SNF8: variants seen among roughly 807,000 people sequenced by gnomAD.
SNF8 encodes the protein SNF8 subunit of ESCRT-II.
A neutral mutation model predicts 36.8 loss-of-function variants in SNF8; 19 were observed. The ratio of observed to expected loss-of-function variants is 0.52; its 90% CI spans 0.36 to 0.76. SNF8 has a LOEUF of 0.76. SNF8 is among the 30% of genes least tolerant of loss of function. The pLI is 0.00. For missense variants in SNF8, 268 were observed against 322.9 expected, an observed-to-expected ratio of 0.83 and a Z score of 1.30; for synonymous variants, 127 against 127.4, an observed-to-expected ratio of 1.00 and a Z score of 0.02.
At chr17:48,944,031 C>T in intron 1 of SNF8, 56 bp from the exon 2 acceptor site, 2 of 1,539,746 alleles carry the variant, frequency 1.3e-6, no homozygotes, top group Non-Finnish European at 1.8e-6. Flanking sequence ...AGGCCAGGCG[C>T]GGTGGCTCAC....
chr17:48,940,556 C>G (rs1035079405), intron 3 of SNF8, among the ~76,000 whole-genome samples: 1 of 151,668 alleles, frequency 6.6e-6, no homozygotes, highest in Non-Finnish European at 1.5e-5. Flanking sequence ...TTTGGGAGGC[C>G]GAGGCGGGCG....
At chr17:48,935,732 A>G (rs2040925217) in intron 5 of SNF8, 1 of 153,448 alleles carries the variant, frequency 6.5e-6, no homozygotes, top group Admixed American at 6.5e-5. Context: ...TAATACATGA[A>G]AAAATGCTTA....
intron 3 of SNF8, among the ~76,000 whole-genome samples, chr17:48,937,970 TAAAAC>T (rs997626210): frequency 2.6e-5 from 4 of 151,124 alleles, no homozygotes; most frequent in Admixed American, 6.6e-5. Flanking sequence ...ATTTAAAAAA[TAAAAC>T]AAAAGTCATT....
chr17:48,944,089 GT>G, intron 1 of SNF8, 114 bp from the exon 2 acceptor site: 1 of 915,738 alleles, frequency 1.1e-6, no homozygotes, highest in Non-Finnish European at 1.7e-6. Context: ...GGATCACGAG[GT>G]CAGGAGATCG....
At chr17:48,941,930 G>C (rs2041033237) in intron 2 of SNF8, among the ~76,000 whole-genome samples, 1 of 151,780 alleles carries the variant, frequency 6.6e-6, no homozygotes, top group Non-Finnish European at 1.5e-5. Flanking sequence ...ACCTCAAACA[G>C]TCCATCTGTC....
intron 1 of SNF8, chr17:48,944,269 T>C (rs889297362): frequency 6.7e-6 from 3 of 445,908 alleles, no homozygotes; most frequent in Non-Finnish European, 1.2e-5. Flanking sequence ...GCCACTGCAC[T>C]CCAACCTGGG....
At chr17:48,944,604 G>A (rs1213706784) in intron 1 of SNF8, 77 bp downstream of exon 1, 7 of 1,474,894 alleles carry the variant, frequency 4.7e-6, no homozygotes, top group Non-Finnish European at 6.6e-6. Flanking sequence ...GTGATTAACG[G>A]GTAGGACACT....
At chr17:48,931,220 G>A (rs544701183) in intron 7 of SNF8, among the ~76,000 whole-genome samples, 2 of 152,262 alleles carry the variant, frequency 1.3e-5, no homozygotes, top group South Asian at 2.1e-4. Context: ...TCTTCAGTAC[G>A]ATGAAATTTG....
intron 3 of SNF8, 77 bp downstream of exon 3, chr17:48,940,847 T>G (rs1598092373): frequency 6.5e-7 from 1 of 1,530,982 alleles, no homozygotes; most frequent in Non-Finnish European, 8.9e-7. Flanking sequence ...GCCCCAACAG[T>G]GGTAACAACA....
chr17:48,943,675 G>A (rs2041063088), intron 2 of SNF8, among the ~76,000 whole-genome samples: 1 of 152,090 alleles, frequency 6.6e-6, no homozygotes, highest in Admixed American at 6.6e-5. Context: ...ACTGTAATGA[G>A]GATTGAACAA....
chr17:48,943,512 G>A (rs2041061126), intron 2 of SNF8, among the ~76,000 whole-genome samples: 1 of 152,118 alleles, frequency 6.6e-6, no homozygotes, highest in East Asian at 1.9e-4. Flanking sequence ...GGAGGCTGAG[G>A]TTGGAGAATC....
At chr17:48,936,024 GTT>G (rs771580934) in intron 5 of SNF8, 144 bp downstream of exon 5, 28 of 603,644 alleles carry the variant, frequency 4.6e-5, no homozygotes, top group Non-Finnish European at 5.1e-5. Context: ...TTTTTTGTTT[GTT>G]TTTTGTTTTT....
chr17:48,933,392 C>T (rs2040888517), intron 5 of SNF8, 46 bp from the exon 6 acceptor site: 1 of 1,609,652 alleles, frequency 6.2e-7, no homozygotes, highest in Non-Finnish European at 8.5e-7. Flanking sequence ...AGAATCAGAC[C>T]TAACAACACA....
Position 48,930,327 on chromosome 17 carries a change from G to A in SNF8, c.*148C>T. Reference sequence around the variant, plus strand: ...GGTTTTCCTCCAATAAAAATGCAACGTGAAGGCACTTTTCAAAAATAAAAG... The same window carrying A: ...GGTTTTCCTCCAATAAAAATGCAACATGAAGGCACTTTTCAAAAATAAAAG... On this transcript the variant is annotated 3_prime_UTR_variant, in exon 8 of 8. Transcript: ENST00000502492. 1 of 863,844 alleles carries A rather than the reference G, an allele frequency of 1.2e-6. No homozygotes were observed. Among genetic ancestry groups the A allele is most frequent in the South Asian group, 2.5e-5 (1 of 40,242 alleles). 53.5% of individuals were successfully genotyped at this position (863,844 alleles called of 1,614,324 possible).
chr17:48,932,302 AT>A (rs1206260973), intron 6 of SNF8: 2 of 152,224 alleles, frequency 1.3e-5, no homozygotes, highest in Non-Finnish European at 2.9e-5. Flanking sequence ...ACAAGGGAAG[AT>A]TCTGGACAAT....
intron 3 of SNF8, 158 bp from the exon 4 acceptor site, chr17:48,937,282 GT>G (rs754967579): frequency 1.4e-6 from 1 of 708,812 alleles, no homozygotes; most frequent in Non-Finnish European, 2.6e-6. Flanking sequence ...CGGACTCACG[GT>G]AACTCCTGCT....
At chr17:48,934,555 G>C (rs2040907324) in intron 5 of SNF8, 1 of 171,126 alleles carries the variant, frequency 5.8e-6, no homozygotes, top group Non-Finnish European at 1.3e-5. Context: ...AGTGAGCCGA[G>C]ATTGTACCAC....
rs1362205867 is a variant in SNF8 at position 48,941,001 on chromosome 17, T to A, written c.167A>T (p.Gln56Leu). Residue 56 changes from glutamine (Q) to leucine (L), a missense_variant, in exon 3 of 8, where the codon CAG becomes CTG. Transcript: ENST00000502492. Reference sequence around the variant, plus strand: ...GAACTCAGGATTCTTCCGGATCTCCTGCTTGTGTTTGCTGGCAAATTCCTC... The same window carrying A: ...GAACTCAGGATTCTTCCGGATCTCCAGCTTGTGTTTGCTGGCAAATTCCTC... Reference protein sequence around the residue: ...NLEEFASKHKQEIRKNPEFRV... With the variant: ...NLEEFASKHKLEIRKNPEFRV... 1 of 1,613,678 alleles carries A rather than the reference T, an allele frequency of 6.2e-7. No homozygotes were observed. Among genetic ancestry groups the A allele is most frequent in the Non-Finnish European group, 8.5e-7 (1 of 1,180,002 alleles).
At chr17:48,937,204 T>G in intron 3 of SNF8, 80 bp from the exon 4 acceptor site, 1 of 1,080,670 alleles carries the variant, frequency 9.3e-7, no homozygotes, top group Non-Finnish European at 1.4e-6. Context: ...TTAAAACATC[T>G]ATCATATGGG....
Sources: gnomAD v4.1 joint callset for allele counts (sites outside exome capture counted in the v4.1 genomes callset) on GRCh38, gnomAD v4.1.1 for gene constraint, MANE v1.5 for transcripts, NCBI Gene and HGNC (gene_info 2026-07-23, HGNC 2026-07-21) for gene names.